ADGRE3: variants seen among roughly 807,000 people sequenced by gnomAD.
ADGRE3 encodes the protein EGF-like module receptor 3.
In ADGRE3, 88 loss-of-function variants were observed where a neutral mutation model predicts 80.1. The observed-to-expected ratio is 1.10, with a 90% CI of 0.93 to 1.31. The LOEUF is 1.31. Ranked by LOEUF, ADGRE3 falls within the 40% of genes most tolerant of loss-of-function variation. The probability of loss-of-function intolerance (pLI) is 0.00; values close to 1 mark genes in which losing one functional copy is unlikely to be tolerated. For missense variants in ADGRE3, 715 were observed against 776.5 expected (o/e 0.92, Z 0.94); for synonymous variants, 281 against 294.8 (o/e 0.95, Z 0.48).
At chr19:14,662,893 T>C (rs12984156) in intron 3 of ADGRE3, among the ~76,000 whole-genome samples, 40,491 of 107,158 alleles carry the variant, frequency 0.38, 6,359 homozygotes, top group Middle Eastern at 0.54. Context: ...ATAGTAACAA[T>C]CCATCTCTAC....
intron 11 of ADGRE3, among the ~76,000 whole-genome samples, chr19:14,633,574 G>T (rs558818151): frequency 6.6e-6 from 1 of 151,702 alleles, no homozygotes; most frequent in African/African-American, 2.4e-5. Context: ...GCGTGGTGGC[G>T]GGCACCTGTA....
rs751554472 is a variant in ADGRE3, at chr19:14,644,191, G to A, written c.967C>T (p.Leu323=). Residue 323 remains leucine, a synonymous_variant, in exon 9 of 16, where the codon CTG becomes TTG. Coordinates refer to ENST00000253673, the MANE Select transcript of ADGRE3 (RefSeq NM_032571.5). The part of the protein sequence containing the change: ...GSQWSRDGCF[L]IHVNKSHTMC... Reference sequence around the variant, plus strand: ...GTGTGACTCTTGTTCACGTGTATCAGGAAGCAGCCATCCCTGGACCACTGG... The same window carrying A: ...GTGTGACTCTTGTTCACGTGTATCAAGAAGCAGCCATCCCTGGACCACTGG... 1.9e-6 allele frequency: 3 copies of A among 1,609,212 alleles called. No homozygotes were observed. In the African/African-American group the frequency reaches 4.0e-5, roughly 22 times the overall value.
intron 9 of ADGRE3, 61 bp downstream of exon 9, chr19:14,644,047 A>G (rs1402752027): frequency 9.7e-7 from 1 of 1,027,948 alleles, no homozygotes; most frequent in Non-Finnish European, 1.3e-6. Context: ...AATAGCACTT[A>G]TTACCACTTA....
At position 14,641,584 on chromosome 19, in the gene ADGRE3, G is replaced by A. The variant is rs141113162; in HGVS notation, c.1083C>T (p.Tyr361=). 1.6e-5 allele frequency: 26 copies of A among 1,614,164 alleles called. No homozygotes were observed. The highest frequency in any genetic ancestry group is 4.0e-5 in the African/African-American group (3 of 75,054). The change falls in exon 10 of 16, where the codon TAC becomes TAT. Residue 361 remains tyrosine, a synonymous_variant. Transcript: ENST00000253673. ...ACAGCAGAGAGACGCTCAGCCCCAC[G>A]TAGGTGATGACAGTCAGCACGGGAT... ...EEDPVLTVIT[Y]VGLSVSLLCL... is the part of the protein sequence containing the mutation.
the ADGRE3 span, chr19:14,600,312 G>C: frequency 9.1e-7 from 1 of 1,102,656 alleles, no homozygotes. Flanking sequence ...AACTTTAACA[G>C]CAAGCTCTTC....
At chr19:14,636,086 C>CTT (rs1297581651) in intron 11 of ADGRE3, among the ~76,000 whole-genome samples, 254 of 22,144 alleles carry the variant, frequency 0.011, 21 homozygotes, top group African/African-American at 0.014. Context: ...CTTTCCCTTT[C>CTT]TTTCTTTCTT....
intron 7 of ADGRE3, among the ~76,000 whole-genome samples, chr19:14,650,677 C>G (rs1971579783): frequency 8.0e-6 from 1 of 125,068 alleles, no homozygotes; most frequent in Non-Finnish European, 1.8e-5. Context: ...CTCTCTCTCT[C>G]TCTCTCCCCT....
At chr19:14,614,294 T>C (rs2075063426), downstream of ADGRE3, among the ~76,000 whole-genome samples, 8 of 152,174 alleles carry the variant, frequency 5.3e-5, no homozygotes, top group Admixed American at 5.2e-4. Flanking sequence ...CTGATATGCG[T>C]ATTGAGAAAT....
chr19:14,653,634 G>A (rs556602240), intron 6 of ADGRE3, among the ~76,000 whole-genome samples: 1 of 152,036 alleles, frequency 6.6e-6, no homozygotes, highest in Middle Eastern at 3.4e-3. Context: ...GTGCAGTGGT[G>A]CAATCTCAGC....
the ADGRE3 span, among the ~76,000 whole-genome samples, chr19:14,604,694 C>T: frequency 2.0e-4 from 31 of 151,780 alleles, no homozygotes; most frequent in Admixed American, 5.9e-4. Context: ...ACCTGCGAGG[C>T]GGAGGGTGCA....
At chr19:14,646,330 C>T (rs1296551987) in intron 8 of ADGRE3, among the ~76,000 whole-genome samples, 1 of 152,136 alleles carries the variant, frequency 6.6e-6, no homozygotes, top group African/African-American at 2.4e-5. Context: ...ACGAAGTTGG[C>T]CACTTGATCA....
Position 14,673,892 on chromosome 19 carries a change from G to A in ADGRE3, c.25+854C>T, listed in dbSNP as rs545868152. Among the ~76,000 whole-genome samples, 58 of 152,180 alleles carry A rather than the reference G, an allele frequency of 3.8e-4. 1 individual carries two copies. In the South Asian group the frequency reaches 6.2e-3, roughly 16 times the overall value. On this transcript the variant is annotated intron_variant, in intron 1 of 15. Transcript: ENST00000253673. ...TTTCCACTGTCCTTCTACTCCCTCA[G>A]CCTTCCCAGTCTTCATCGTCTATCA...
At chr19:14,665,277 T>G (rs560101623) in intron 2 of ADGRE3, among the ~76,000 whole-genome samples, 2 of 151,636 alleles carry the variant, frequency 1.3e-5, no homozygotes, top group African/African-American at 4.8e-5. Flanking sequence ...GTTAGCCAGG[T>G]TGGTCTTGAT....
At chr19:14,656,353 C>CA (rs747939718) in intron 5 of ADGRE3, among the ~76,000 whole-genome samples, 5,484 of 82,034 alleles carry the variant, frequency 0.067, 230 homozygotes, top group Non-Finnish European at 0.11. Flanking sequence ...GACTCCATCT[C>CA]AAAAAAAAAA....
chr19:14,629,587 C>A (rs868162461), intron 14 of ADGRE3, among the ~76,000 whole-genome samples: 10 of 152,254 alleles, frequency 6.6e-5, no homozygotes, highest in East Asian at 1.9e-4. Context: ...GTTGCTCCCC[C>A]TTCTGCTTAA....
chr19:14,625,899 C>A (rs7248081), intron 14 of ADGRE3, among the ~76,000 whole-genome samples: 75,580 of 151,814 alleles, frequency 0.5, 19,170 homozygotes, highest in Non-Finnish European at 0.53. Flanking sequence ...CCATATAGAC[C>A]TAAAGTAGAA....
chr19:14,641,818 C>T (rs1201842743), intron 9 of ADGRE3, among the ~76,000 whole-genome samples: 1 of 152,032 alleles, frequency 6.6e-6, no homozygotes, highest in Non-Finnish European at 1.5e-5. Context: ...ATGTAGACTG[C>T]CAATGTAGAT....
At chr19:14,632,424 A>G (rs1970911244) in intron 13 of ADGRE3, among the ~76,000 whole-genome samples, 1 of 152,146 alleles carries the variant, frequency 6.6e-6, no homozygotes, top group South Asian at 2.1e-4. Context: ...AAAACAAGGC[A>G]CATGGTCAAG....
At chr19:14,657,131 G>A (rs140299299) in intron 5 of ADGRE3, among the ~76,000 whole-genome samples, 1 of 151,880 alleles carries the variant, frequency 6.6e-6, no homozygotes, top group East Asian at 1.9e-4. Flanking sequence ...TTCTGACCTC[G>A]GGTGATCCAC....
Sources: gnomAD v4.1 joint callset for allele counts (sites outside exome capture counted in the v4.1 genomes callset) on GRCh38, gnomAD v4.1.1 for gene constraint, MANE v1.5 for transcripts, NCBI Gene and HGNC (gene_info 2026-07-23, HGNC 2026-07-21) for gene names.